TOM1L2: variants seen among roughly 807,000 people sequenced by gnomAD.
TOM1L2 encodes TOM1-like protein 2.
In TOM1L2, 31 loss-of-function variants were observed where a neutral mutation model predicts 67.9. The ratio of observed to expected loss-of-function variants is 0.46; its 90% confidence interval spans 0.34 to 0.62. The LOEUF (loss-of-function observed/expected upper bound fraction) is 0.62, where lower values mean the gene tolerates loss of function less well. TOM1L2 is among the 20% of genes least tolerant of loss of function. The pLI, the probability that TOM1L2 is intolerant of heterozygous loss-of-function variation, is 0.01. For missense variants in TOM1L2, 606 were observed against 663.5 expected, an observed-to-expected ratio of 0.91 and a Z score of 0.95; for synonymous variants, 256 against 254.0, an observed-to-expected ratio of 1.01 and a Z score of -0.07.
At chr17:17,911,807 C>G (rs992989113) in intron 1 of TOM1L2, among the ~76,000 whole-genome samples, 1 of 146,878 alleles carries the variant, frequency 6.8e-6, no homozygotes, top group Non-Finnish European at 1.5e-5. Context: ...TGCGGCCTTC[C>G]GCAGTGTTTG....
intron 1 of TOM1L2, among the ~76,000 whole-genome samples, chr17:17,954,651 G>C (rs921184613): frequency 6.6e-6 from 1 of 152,134 alleles, no homozygotes; most frequent in Non-Finnish European, 1.5e-5. Flanking sequence ...GGGAGTTCCA[G>C]AAATTTTCTG....
chr17:17,949,988 A>G (rs1341873743), intron 1 of TOM1L2, among the ~76,000 whole-genome samples: 1 of 152,014 alleles, frequency 6.6e-6, no homozygotes, highest in East Asian at 1.9e-4. Flanking sequence ...CTCCCGCCTC[A>G]GCCTCCCGAG....
chr17:17,946,535 CTT>C (rs1482017675), intron 1 of TOM1L2, among the ~76,000 whole-genome samples: 4 of 152,062 alleles, frequency 2.6e-5, no homozygotes, highest in African/African-American at 9.7e-5. Flanking sequence ...TTTATTAGCA[CTT>C]TGTTAGGTTT....
chr17:17,963,899 CATT>C (rs1403957644), intron 1 of TOM1L2, among the ~76,000 whole-genome samples: 2 of 152,212 alleles, frequency 1.3e-5, no homozygotes, highest in African/African-American at 4.8e-5. Context: ...ATTTTAAGCA[CATT>C]ATCTCATTTA....
chr17:17,907,446 C>T lies in TOM1L2; in HGVS notation c.137+1G>A, dbSNP rs1177753102. 1 of 1,613,818 alleles carries T rather than the reference C, an allele frequency of 6.2e-7. No homozygotes were observed. Among genetic ancestry groups the T allele is most frequent in the Non-Finnish European group, 8.5e-7 (1 of 1,179,866 alleles). On this transcript the variant is annotated splice_donor_variant, in intron 2 of 14. Coordinates refer to ENST00000379504, the MANE Select transcript of TOM1L2 (RefSeq NM_001082968.2). LOFTEE classifies it high-confidence loss of function. ...TTCCCAGGAGAGGGGGGCACACGTA[C>T]CCTTCCTCCGTCTCATTGATGATGT...
Position 17,891,870 on chromosome 17 carries a change from G to A in TOM1L2, c.366+1791C>T, listed in dbSNP as rs376983851. ...GATATTGGGTGGGCAGAACAGGGAC[G>A]AGGGACAACCCTAGGGTAAACAGGG... On this transcript the variant is annotated intron_variant, in intron 4 of 14. Transcript: ENST00000379504. Among the ~76,000 whole-genome samples, 64 of 151,892 alleles carry A rather than the reference G, an allele frequency of 4.2e-4. No homozygotes were observed. In the East Asian group the frequency reaches 7.2e-3, roughly 17 times the overall value.
At chr17:17,869,581 A>C in intron 7 of TOM1L2, 108 bp from the exon 8 acceptor site, 1 of 1,435,216 alleles carries the variant, frequency 7.0e-7, no homozygotes, top group Non-Finnish European at 9.1e-7. Flanking sequence ...AAAGGAGTAC[A>C]TGCTTGTTCA....
Position 17,923,564 on chromosome 17 carries a change from T to A in TOM1L2, c.53-16033A>T, listed in dbSNP as rs375941842. 5.3e-4 allele frequency among the ~76,000 whole-genome samples: 80 copies of A among 151,652 alleles called. No homozygotes were observed. The East Asian group carries it at 0.012, about 24-fold the overall frequency. On this transcript the variant is annotated intron_variant, in intron 1 of 14. Transcript: ENST00000379504. ...AATTAGCTGGGCGCAGTGGTGAGCATCTGTAGTTTCACCTACTCCAGAGCC... is the reference window on the plus strand; with the variant it reads ...AATTAGCTGGGCGCAGTGGTGAGCAACTGTAGTTTCACCTACTCCAGAGCC...
chr17:17,853,494 A>T (rs568865827), intron 12 of TOM1L2, among the ~76,000 whole-genome samples: 322 of 152,350 alleles, frequency 2.1e-3, no homozygotes, highest in Non-Finnish European at 2.2e-3. Flanking sequence ...ATAAATCTTG[A>T]GAGCCAACAT....
In TOM1L2 at chr17:17,843,908, T is replaced by C. The variant is rs2035510753; in HGVS notation, c.*3727A>G. The C allele has an allele frequency of 1.3e-5, 2 of 152,450 alleles. No homozygotes were observed. Among genetic ancestry groups the C allele is most frequent in the South Asian group, 4.1e-4 (2 of 4,830 alleles). The allele number at this position is 152,450 out of a possible 1,614,324, so 9.4% of individuals were successfully genotyped here. ...TGGTGGCCGCAGGGGAAGCCTGACT[T>C]GGACCCCACAGATAGGAAGGGCTGG... On this transcript the variant is annotated 3_prime_UTR_variant, in exon 15 of 15. Transcript: ENST00000379504.
intron 1 of TOM1L2, among the ~76,000 whole-genome samples, chr17:17,923,607 T>G (rs761027324): frequency 4.6e-5 from 7 of 152,060 alleles, no homozygotes; most frequent in African/African-American, 1.7e-4. Flanking sequence ...GGAGGATCAC[T>G]TGAGGCTAGG....
rs111788094 is a variant in TOM1L2, at chr17:17,879,841, T to C, written c.661-98A>G. ...CTTGCTCCTAGTCTAGTGACAATCC[T>C]TCTCACTGGGAGATCTGGGTTGCCT... is the stretch of plus-strand genomic sequence containing the variant. On this transcript the variant is annotated intron_variant, in intron 6 of 14. Coordinates refer to ENST00000379504, the MANE Select transcript of TOM1L2 (RefSeq NM_001082968.2). The C allele has an allele frequency of 7.3e-5, 76 of 1,043,200 alleles. No individual in the cohort carries two copies. The African/African-American group carries it at 8.3e-4, about 11-fold the overall frequency. 64.6% of individuals were successfully genotyped at this position (1,043,200 alleles called of 1,614,324 possible).
At chr17:17,965,947 C>T (rs1487036001) in intron 1 of TOM1L2, among the ~76,000 whole-genome samples, 9 of 152,056 alleles carry the variant, frequency 5.9e-5, no homozygotes, top group Non-Finnish European at 1.3e-4. Flanking sequence ...ATGGTGAAAC[C>T]CTGTCTCTAC....
chr17:17,852,445 T>A (rs1360665855), intron 12 of TOM1L2, among the ~76,000 whole-genome samples: 2 of 152,234 alleles, frequency 1.3e-5, no homozygotes, highest in Admixed American at 1.3e-4. Flanking sequence ...ATGTGCTCTG[T>A]GTCCTAACTT....
At chr17:17,876,852 C>T (rs1333673678) in intron 7 of TOM1L2, among the ~76,000 whole-genome samples, 1 of 152,260 alleles carries the variant, frequency 6.6e-6, no homozygotes, top group East Asian at 1.9e-4. Flanking sequence ...CTGCTGTGAA[C>T]AGCCTGTCAC....
intron 1 of TOM1L2, among the ~76,000 whole-genome samples, chr17:17,923,144 T>C (rs772296884): frequency 1.3e-5 from 2 of 152,158 alleles, no homozygotes; most frequent in Non-Finnish European, 2.9e-5. Flanking sequence ...ACGCCTGTAA[T>C]CCCAGCACTT....
chr17:17,862,871 T>C, intron 10 of TOM1L2, 23 bp from the exon 11 acceptor site: 1 of 1,546,966 alleles, frequency 6.5e-7, no homozygotes, highest in African/African-American at 1.4e-5. Flanking sequence ...AACAAATGGG[T>C]GGCAGATGAG....
intron 12 of TOM1L2, among the ~76,000 whole-genome samples, chr17:17,860,223 T>C (rs2036479572): frequency 6.6e-6 from 1 of 152,220 alleles, no homozygotes. Context: ...GGCTCTCTAA[T>C]GCCCACGCTG....
At chr17:17,963,321 G>T (rs2041763237) in intron 1 of TOM1L2, among the ~76,000 whole-genome samples, 2 of 152,296 alleles carry the variant, frequency 1.3e-5, no homozygotes, top group South Asian at 4.1e-4. Context: ...CCTATTGGTG[G>T]AACTATGCTA....
Sources: allele counts gnomAD v4.1 joint callset (sites outside exome capture counted in the v4.1 genomes callset), GRCh38; gene constraint gnomAD v4.1.1; transcripts MANE v1.5; gene names NCBI Gene and HGNC (gene_info 2026-07-23, HGNC 2026-07-21).